MALRD1: variants seen among roughly 807,000 people sequenced by gnomAD.
The protein encoded by MALRD1 is MAM and LDL-receptor class A domain-containing protein 1.
Under a neutral mutation model 242.1 loss-of-function variants are expected in MALRD1, and 247 were observed. The observed-to-expected ratio is 1.02, with a 90% CI of 0.92 to 1.13. The LOEUF is 1.13. Among genes scored for constraint, MALRD1 ranks in the 50% most tolerant of loss-of-function variants. The pLI is 0.00. For missense variants in MALRD1, 2,989 were observed against 2,533.1 expected (o/e 1.18, Z -3.86); for synonymous variants, 995 against 866.6 (o/e 1.15, Z -2.60).
intron 36 of MALRD1, among the ~76,000 whole-genome samples, chr10:19,621,128 A>G (rs890380054): frequency 3.4e-4 from 51 of 151,762 alleles, no homozygotes; most frequent in Non-Finnish European, 5.0e-4. Context: ...ATTTTCATTC[A>G]TACAAGGCCT....
intron 32 of MALRD1, among the ~76,000 whole-genome samples, chr10:19,550,063 A>T (rs1835412485): frequency 6.6e-6 from 1 of 152,198 alleles, no homozygotes; most frequent in Non-Finnish European, 1.5e-5. Flanking sequence ...TTGAGGTGTT[A>T]GAAAGAAAAC....
chr10:19,125,979 A>G lies in MALRD1; in HGVS notation c.943+1309A>G, dbSNP rs369777926. Among the ~76,000 whole-genome samples, 101 of 152,122 alleles carry G rather than the reference A, an allele frequency of 6.6e-4. No individual in the cohort carries two copies. The South Asian group carries it at 0.014, about 22-fold the overall frequency. ...ATCTGTGGTGATGAGCTCCCATAGT[A>G]CCTGTAAACTTAAAATGTTTTAAAA... On this transcript the variant is annotated intron_variant, in intron 7 of 39. Transcript: ENST00000454679.
intron 29 of MALRD1, among the ~76,000 whole-genome samples, chr10:19,451,438 G>A (rs1263623123): frequency 6.6e-6 from 1 of 152,020 alleles, no homozygotes; most frequent in Non-Finnish European, 1.5e-5. Context: ...CCCAGAAAAT[G>A]TCAAAAATAA....
Position 19,128,235 on chromosome 10 carries a change from G to A in MALRD1, c.958G>A (p.Val320Ile), listed in dbSNP as rs1837342986. The A allele has an allele frequency of 8.1e-7, 1 of 1,233,336 alleles. No individual in the cohort carries two copies. The highest frequency in any genetic ancestry group is 1.0e-6 in the Non-Finnish European group (1 of 987,774). The allele number at this position is 1,233,336 out of a possible 1,614,324, so 76.4% of individuals were successfully genotyped here. A position where few individuals can be genotyped will look rare whatever the true frequency, so the allele number is the denominator to read the frequency against. Residue 320 changes from valine (V) to isoleucine (I), a missense_variant, in exon 8 of 40, where the codon GTA becomes ATA. Physicochemically the swap from Val to Ile is conservative, Grantham distance 29. Transcript: ENST00000454679. ...TTATCTTTCAGGTTATTATGTATGG[G>A]TAGGCGCTAAGCATGGTTTCACTCT... ...GGDDEGYYVW[V>I]GAKHGFTLNH... is the part of the protein sequence containing the mutation.
At chr10:19,094,092 G>C (rs2131309011) in intron 4 of MALRD1, among the ~76,000 whole-genome samples, 1 of 110,180 alleles carries the variant, frequency 9.1e-6, no homozygotes, top group African/African-American at 3.7e-5. Flanking sequence ...GAGGCAGGCA[G>C]GCCTCCTTGA....
At chr10:19,593,671 A>G (rs1837931630) in intron 33 of MALRD1, among the ~76,000 whole-genome samples, 1 of 152,198 alleles carries the variant, frequency 6.6e-6, no homozygotes, top group African/African-American at 2.4e-5. Flanking sequence ...GTTCACATAC[A>G]TTCTCTGACC....
chr10:19,489,267 G>A (rs1837376587), intron 29 of MALRD1: 1 of 483,938 alleles, frequency 2.1e-6, no homozygotes, highest in Non-Finnish European at 4.2e-6. Context: ...AAAGGGAAAA[G>A]GAGAGCAAAG....
intron 2 of MALRD1, among the ~76,000 whole-genome samples, chr10:19,086,361 C>T (rs1436876767): frequency 6.6e-6 from 1 of 152,018 alleles, no homozygotes; most frequent in Non-Finnish European, 1.5e-5. Flanking sequence ...ACATCATCAT[C>T]ATATTTCTCA....
intron 7 of MALRD1, among the ~76,000 whole-genome samples, chr10:19,127,417 A>G (rs997960382): frequency 6.6e-6 from 1 of 152,178 alleles, no homozygotes; most frequent in African/African-American, 2.4e-5. Context: ...AGCTGTAAAT[A>G]TCTGAGGCTA....
At position 19,703,079 on chromosome 10, in the gene MALRD1, G is replaced by C. The variant is rs529626671; in HGVS notation, c.6314+10525G>C. Among the ~76,000 whole-genome samples the C allele has an allele frequency of 2.0e-5, 3 of 152,164 alleles. No homozygotes were observed. The South Asian group carries it at 6.2e-4, about 32-fold the overall frequency. On this transcript the variant is annotated intron_variant, in intron 38 of 39. Coordinates refer to ENST00000454679, the MANE Select transcript of MALRD1 (RefSeq NM_001142308.3). The stretch of plus-strand genomic sequence containing the variant: ...ACTTGCCACCTAATCTCTTAGTGTG[G>C]ACACTTTGATTACAGGGGAAAAAAA...
In MALRD1 at chr10:19,420,051, A is replaced by G. The variant is rs989371137; in HGVS notation, c.4846-30256A>G. ...ATTCTCAGCAAGGCAAGATACTTCT[A>G]TAGAAGGTTGCACCCTTACAGAGGG... is the stretch of plus-strand genomic sequence containing the variant. On this transcript the variant is annotated intron_variant, in intron 28 of 39. Transcript: ENST00000454679. Among the ~76,000 whole-genome samples the G allele has an allele frequency of 2.0e-5, 3 of 152,180 alleles. No individual in the cohort carries two copies. In the South Asian group the frequency reaches 6.2e-4, roughly 32 times the overall value.
chr10:19,449,392 G>A (rs1055869181), intron 28 of MALRD1, among the ~76,000 whole-genome samples: 2 of 152,152 alleles, frequency 1.3e-5, no homozygotes, highest in Non-Finnish European at 2.9e-5. Flanking sequence ...GGCCAAGATG[G>A]TCTCAATCTC....
At chr10:19,319,330 C>T (rs1816748680) in intron 21 of MALRD1, among the ~76,000 whole-genome samples, 1 of 152,088 alleles carries the variant, frequency 6.6e-6, no homozygotes, top group South Asian at 2.1e-4. Flanking sequence ...AGTCAAGGTT[C>T]ATTTTTCCCC....
At chr10:19,715,706 A>G (rs375803014) in intron 38 of MALRD1, among the ~76,000 whole-genome samples, 61 of 152,344 alleles carry the variant, frequency 4.0e-4, no homozygotes, top group African/African-American at 1.4e-3. Flanking sequence ...TGCAGGCTGT[A>G]CAAACAGCAT....
chr10:19,508,547 A>G (rs183664929), intron 31 of MALRD1, among the ~76,000 whole-genome samples: 271 of 152,336 alleles, frequency 1.8e-3, no homozygotes, highest in African/African-American at 6.1e-3. Context: ...ACATGGAACT[A>G]TTGAGCCCTT....
At chr10:19,141,805 G>A (rs1056449217) in intron 10 of MALRD1, among the ~76,000 whole-genome samples, 1 of 152,048 alleles carries the variant, frequency 6.6e-6, no homozygotes, top group Non-Finnish European at 1.5e-5. Flanking sequence ...TCAAATGAAA[G>A]AAATTTAAAC....
At chr10:19,088,580 T>A (rs1285836498) in intron 4 of MALRD1, among the ~76,000 whole-genome samples, 2 of 109,702 alleles carry the variant, frequency 1.8e-5, no homozygotes, top group Admixed American at 9.6e-5. Flanking sequence ...TTTATTTATT[T>A]ATTTATTTAT....
At chr10:19,507,190 C>T (rs1205796509) in intron 31 of MALRD1, among the ~76,000 whole-genome samples, 2 of 152,042 alleles carry the variant, frequency 1.3e-5, no homozygotes, top group South Asian at 2.1e-4. Context: ...AGTCACCTCT[C>T]ACCAGGCCCC....
rs138275514 is a variant in MALRD1, at chr10:19,557,831, T to C, written c.5479-9671T>C. Among the ~76,000 whole-genome samples the C allele has an allele frequency of 3.7e-3, 567 of 152,208 alleles. 6 individuals are homozygous for C. Among genetic ancestry groups the C allele is most frequent in the African/African-American group, 0.013 (540 of 41,554 alleles). ...AAATAACTTGCTAGGACTTTGACTATGATTGATTGAATCTATAAATTAAGT... is the reference window on the plus strand; with the variant it reads ...AAATAACTTGCTAGGACTTTGACTACGATTGATTGAATCTATAAATTAAGT... On this transcript the variant is annotated intron_variant, in intron 32 of 39. Transcript: ENST00000454679.
Sources: allele counts gnomAD v4.1 joint callset (sites outside exome capture counted in the v4.1 genomes callset), GRCh38; gene constraint gnomAD v4.1.1; transcripts MANE v1.5; gene names NCBI Gene and HGNC (gene_info 2026-07-23, HGNC 2026-07-21).